The following WNT5A variants were observed in gnomAD, a reference collection of about 807,000 sequenced individuals.
The protein encoded by WNT5A is Wnt family member 5A.
In WNT5A, 9 loss-of-function variants were observed where a neutral mutation model predicts 42.1. The ratio of observed to expected loss-of-function variants is 0.21; its 90% CI spans 0.13 to 0.37. The LOEUF is 0.37. WNT5A is among the 10% of genes least tolerant of loss of function. The pLI is 1.00. For synonymous variants in WNT5A, 210 were observed against 210.0 expected (o/e 1.00, Z 0.00); for missense variants, 426 against 534.0 (o/e 0.80, Z 1.99).
intron 4 of WNT5A, among the ~76,000 whole-genome samples, chr3:55,471,421 C>G (rs2051249805): frequency 6.6e-6 from 1 of 152,166 alleles, no homozygotes; most frequent in Non-Finnish European, 1.5e-5. Flanking sequence ...CTGACTCTAC[C>G]CTTGAATTCA....
chr3:55,496,028 T>C, the WNT5A span, among the ~76,000 whole-genome samples: 1 of 152,232 alleles, frequency 6.6e-6, no homozygotes, highest in Non-Finnish European at 1.5e-5. Flanking sequence ...CATAGAAATT[T>C]TACGTTTTTT....
chr3:55,483,988 A>G lies in WNT5A; in HGVS notation c.6+2992T>C, dbSNP rs1403894034. Among the ~76,000 whole-genome samples the G allele has an allele frequency of 1.3e-5, 2 of 152,040 alleles. No homozygotes were observed. The highest frequency in any genetic ancestry group is 2.9e-5 in the Non-Finnish European group (2 of 68,016). ...CTTAAGAGAATAGATAAAAAGGCCA[A>G]GCAAAGATCCTCTCCCCTCGGCCCC... On this transcript the variant is annotated intron_variant, in intron 1 of 4. Transcript: ENST00000264634. This position sits in a 1 kb window ranked among gnomAD's most constrained non-coding sequence, Gnocchi z 4.2.
chr3:55,476,711 G>A lies in WNT5A; in HGVS notation c.392-2082C>T, dbSNP rs146022398. 2.4e-4 allele frequency among the ~76,000 whole-genome samples: 36 copies of A among 152,300 alleles called. No homozygotes were observed. The East Asian group carries it at 6.4e-3, about 27-fold the overall frequency. On this transcript the variant is annotated intron_variant, in intron 3 of 4. Transcript: ENST00000264634. ...GCTAATTGGTCACTGCAGGGTAAAC[G>A]TCAGTTTGAAAAGTATTCTTTGGCT...
At chr3:55,498,464 A>G in the WNT5A span, among the ~76,000 whole-genome samples, 27 of 152,220 alleles carry the variant, frequency 1.8e-4, no homozygotes, top group Non-Finnish European at 2.9e-4. Flanking sequence ...ATGCTACACA[A>G]TGAGGTACGT....
rs1017576200 is a variant in WNT5A at position 55,474,577 on chromosome 3, G to A, written c.444C>T (p.Asn148=). 1.1e-5 allele frequency: 17 copies of A among 1,500,462 alleles called. No individual in the cohort carries two copies. The highest frequency in any genetic ancestry group is 1.4e-5 in the Non-Finnish European group (16 of 1,129,128). The allele number at this position is 1,500,462 out of a possible 1,614,324, so 92.9% of individuals were successfully genotyped here. A position where few individuals can be genotyped will look rare whatever the true frequency, so the allele number is the denominator to read the frequency against. The change falls in exon 4 of 5, where the codon AAC becomes AAT. Residue 148 remains asparagine (N), a synonymous_variant. Coordinates refer to ENST00000264634, the MANE Select transcript of WNT5A (RefSeq NM_003392.7). ...TYAVSAAGVV[N]AMSRACREGE... is the part of the protein sequence containing the mutation. ...CCTCGCGGCACGCCCGGCTCATGGC[G>A]TTCACCACCCCTGCTGCGCTCACCG...
upstream of WNT5A, among the ~76,000 whole-genome samples, chr3:55,493,254 C>T (rs76039828): frequency 9.1e-4 from 139 of 152,294 alleles, 1 homozygote; most frequent in African/African-American, 3.2e-3. Flanking sequence ...TTCAGAGGCT[C>T]CCCAGAGTTT....
chr3:55,502,363 A>C, the WNT5A span, among the ~76,000 whole-genome samples: 1 of 152,212 alleles, frequency 6.6e-6, no homozygotes, highest in Non-Finnish European at 1.5e-5. Context: ...GTGGGGAAAC[A>C]ATTTTAAAGC....
upstream of WNT5A, among the ~76,000 whole-genome samples, chr3:55,491,056 A>G (rs2051653751): frequency 2.0e-5 from 3 of 152,204 alleles, no homozygotes; most frequent in South Asian, 6.2e-4. Flanking sequence ...CCTCAGAACA[A>G]TGCCTGGCAC....
rs939707786 is a variant in WNT5A, at chr3:55,487,172, C to T, written c.-187G>A. On this transcript the variant is annotated 5_prime_UTR_variant, in exon 1 of 5. Coordinates refer to ENST00000264634, the MANE Select transcript of WNT5A (RefSeq NM_003392.7). ...GGCACTGGCGCCCGGGCCTGGACTC[C>T]CGAGTTGGGGCAGAGCTGGGATGCG... 29 of 585,808 alleles carry T rather than the reference C, an allele frequency of 5.0e-5. No homozygotes were observed. Among genetic ancestry groups the T allele is most frequent in the African/African-American group, 4.8e-4 (25 of 52,498 alleles). The allele number at this position is 585,808 out of a possible 1,614,324, so 36.3% of individuals were successfully genotyped here. A position where few individuals can be genotyped will look rare whatever the true frequency, so the allele number is the denominator to read the frequency against.
chr3:55,478,348 C>T (rs1361161148), intron 3 of WNT5A, among the ~76,000 whole-genome samples: 3 of 151,982 alleles, frequency 2.0e-5, no homozygotes, highest in Admixed American at 1.3e-4. Context: ...CTGTGATGGA[C>T]ATTAAGCCAA....
At chr3:55,484,169 C>T (rs1468278282) in intron 1 of WNT5A, among the ~76,000 whole-genome samples, 2 of 152,212 alleles carry the variant, frequency 1.3e-5, no homozygotes, top group African/African-American at 2.4e-5. Context: ...ATGGGAAACT[C>T]CAAAAAGAAT....
chr3:55,502,665 G>A, the WNT5A span, among the ~76,000 whole-genome samples: 1 of 152,306 alleles, frequency 6.6e-6, no homozygotes, highest in Admixed American at 6.5e-5. Context: ...TTTGAAGAAT[G>A]TTGAACAGCA....
rs931674113 is a variant in WNT5A, at chr3:55,470,291, G to T, written c.944C>A (p.Thr315Asn). 1 of 1,613,962 alleles carries T rather than the reference G, an allele frequency of 6.2e-7. No homozygotes were observed. Among genetic ancestry groups the T allele is most frequent in the African/African-American group, 1.3e-5 (1 of 74,958 alleles). Residue 315 changes from threonine to asparagine, a missense_variant, in exon 5 of 5, where the codon ACC (threonine) becomes AAC (asparagine). By Grantham distance (65) the Thr-to-Asn change is moderately conservative. This residue lies in a region of WNT5A where 358 missense variants were observed against 468.1 expected (regional missense o/e 0.76). Transcript: ENST00000264634. ...SPDYCVRNESTGSLGTQGRLC... is the reference protein window; with the variant it reads ...SPDYCVRNESNGSLGTQGRLC... ...GCGGCCCTGCGTGCCCAGCGAGCCGGTGCTCTCATTGCGCACGCAGTAGTC... is the reference window on the plus strand; with the variant it reads ...GCGGCCCTGCGTGCCCAGCGAGCCGTTGCTCTCATTGCGCACGCAGTAGTC...
In WNT5A at chr3:55,469,936, C is replaced by T; in HGVS notation, c.*156G>A. 2.8e-6 allele frequency: 2 copies of T among 713,488 alleles called. No individual in the cohort carries two copies. The highest frequency in any genetic ancestry group is 4.6e-6 in the Non-Finnish European group (2 of 435,450). 44.2% of individuals were successfully genotyped at this position (713,488 alleles called of 1,614,324 possible). Reference sequence around the variant, plus strand: ...AATAATTATAATATTAATAATAAACCACAGAGTTCTTAGATGGTAACAGGA... The same window carrying T: ...AATAATTATAATATTAATAATAAACTACAGAGTTCTTAGATGGTAACAGGA... On this transcript the variant is annotated 3_prime_UTR_variant, in exon 5 of 5. Transcript: ENST00000264634.
intron 4 of WNT5A, among the ~76,000 whole-genome samples, chr3:55,472,540 A>AC (rs1038274009): frequency 4.1e-4 from 61 of 150,552 alleles, no homozygotes; most frequent in South Asian, 6.4e-4. Context: ...GGCTGACCCC[A>AC]CCCCCCCCAA....
upstream of WNT5A, among the ~76,000 whole-genome samples, chr3:55,493,253 T>A (rs1298393588): frequency 6.6e-6 from 1 of 152,188 alleles, no homozygotes; most frequent in African/African-American, 2.4e-5. Flanking sequence ...CTTCAGAGGC[T>A]CCCCAGAGTT....
At chr3:55,479,275 A>AGTT in intron 3 of WNT5A, 39 bp downstream of exon 3, 1 of 1,449,550 alleles carries the variant, frequency 6.9e-7, no homozygotes, top group Non-Finnish European at 9.1e-7. Flanking sequence ...TAGGAAAAAA[A>AGTT]GTTAATGTTT....
At chr3:55,472,002 T>G (rs1356146392) in intron 4 of WNT5A, among the ~76,000 whole-genome samples, 1 of 152,152 alleles carries the variant, frequency 6.6e-6, no homozygotes, top group African/African-American at 2.4e-5. Flanking sequence ...GTATTTAACC[T>G]TTGCTCCCCA....
chr3:55,470,678 A>G, intron 4 of WNT5A, 128 bp from the exon 5 acceptor site: 3 of 845,604 alleles, frequency 3.5e-6, no homozygotes, highest in Non-Finnish European at 5.2e-6. Context: ...ACTGTATTAT[A>G]TTTCCTTCAT....
Sources: gnomAD v4.1 joint callset for allele counts (sites outside exome capture counted in the v4.1 genomes callset) on GRCh38, gnomAD v4.1.1 for gene constraint, gnomAD v4.1.1 regional missense constraint, Gnocchi (gnomAD v3.1) non-coding constraint, MANE v1.5 for transcripts, NCBI Gene and HGNC (gene_info 2026-07-23, HGNC 2026-07-21) for gene names.